The following SGCE variants were observed in gnomAD, a reference collection of about 807,000 sequenced individuals.
SGCE encodes sarcoglycan epsilon.
Under a neutral mutation model 57.8 loss-of-function variants are expected in SGCE, and 26 were observed. That is an observed-to-expected ratio of 0.45 (90% CI 0.33 to 0.62). The LOEUF (loss-of-function observed/expected upper bound fraction) is 0.62. SGCE is among the 20% of genes least tolerant of loss of function. The pLI is 0.02. For synonymous variants in SGCE, 183 were observed against 189.5 expected, an observed-to-expected ratio of 0.97 and a Z score of 0.28; for missense variants, 468 against 548.6, an observed-to-expected ratio of 0.85 and a Z score of 1.47.
intron 10 of SGCE, chr7:94,587,670 T>G: frequency 6.6e-7 from 1 of 1,523,658 alleles, no homozygotes; most frequent in Non-Finnish European, 8.8e-7. Context: ...TGAACAGTCT[T>G]GTTGAAACAT....
chr7:94,646,075 A>C (rs1807028356), intron 1 of SGCE, among the ~76,000 whole-genome samples: 1 of 152,204 alleles, frequency 6.6e-6, no homozygotes, highest in Admixed American at 6.5e-5. Context: ...CTCGTTGTCC[A>C]AGGACTAAAA....
intron 1 of SGCE, among the ~76,000 whole-genome samples, chr7:94,651,256 A>G (rs533729920): frequency 1.2e-4 from 18 of 152,308 alleles, no homozygotes; most frequent in Admixed American, 3.9e-4. Flanking sequence ...CCACTTAAAA[A>G]CCATGTTAAC....
chr7:94,638,917 C>T (rs1228671120), intron 1 of SGCE, among the ~76,000 whole-genome samples: 1 of 152,068 alleles, frequency 6.6e-6, no homozygotes, highest in Non-Finnish European at 1.5e-5. Flanking sequence ...CAAGAATCAT[C>T]CAAAATTAAC....
intron 5 of SGCE, among the ~76,000 whole-genome samples, chr7:94,611,764 T>C (rs1392934066): frequency 6.6e-6 from 1 of 152,212 alleles, no homozygotes; most frequent in African/African-American, 2.4e-5. Context: ...AAGCCAGAGA[T>C]GACAACTGTG....
At chr7:94,632,041 G>A (rs948973062) in intron 1 of SGCE, among the ~76,000 whole-genome samples, 2 of 151,798 alleles carry the variant, frequency 1.3e-5, no homozygotes, top group Non-Finnish European at 2.9e-5. Flanking sequence ...TACAAAGTAC[G>A]GCAGAGGTAA....
At chr7:94,615,277 T>G (rs1584618100) in intron 5 of SGCE, among the ~76,000 whole-genome samples, 1 of 152,180 alleles carries the variant, frequency 6.6e-6, no homozygotes, top group Non-Finnish European at 1.5e-5. Context: ...GAGAATCGCT[T>G]GAACCCAGGA....
At chr7:94,625,904 A>G (rs1233517733) in intron 3 of SGCE, 1 of 152,090 alleles carries the variant, frequency 6.6e-6, no homozygotes, top group African/African-American at 2.4e-5. Flanking sequence ...TCTTTGGGGC[A>G]TATTGCTAGA....
chr7:94,635,452 A>G, intron 1 of SGCE, among the ~76,000 whole-genome samples: 1 of 152,336 alleles, frequency 6.6e-6, no homozygotes, highest in Non-Finnish European at 1.5e-5. Context: ...ATAATTAAAA[A>G]TGTTAAGTAC....
chr7:94,642,902 C>T (rs1806593921), intron 1 of SGCE, among the ~76,000 whole-genome samples: 1 of 152,168 alleles, frequency 6.6e-6, no homozygotes, highest in Non-Finnish European at 1.5e-5. Context: ...CCTTACAAAA[C>T]CAAATCATCT....
chr7:94,646,013 C>T (rs1298084381), intron 1 of SGCE, among the ~76,000 whole-genome samples: 2 of 152,070 alleles, frequency 1.3e-5, no homozygotes. Flanking sequence ...ATAGTAGAGT[C>T]AACTGTAGAG....
chr7:94,588,017 T>A, intron 10 of SGCE: 1 of 1,389,008 alleles, frequency 7.2e-7, no homozygotes, highest in Non-Finnish European at 9.3e-7. Context: ...GCATTAATGG[T>A]TCCCTGGCAA....
At chr7:94,644,639 A>C in intron 1 of SGCE, 1 of 1,287,002 alleles carries the variant, frequency 7.8e-7, no homozygotes, top group South Asian at 1.2e-5. Flanking sequence ...TTCTCTGTCC[A>C]CTACTTCATT....
intron 1 of SGCE, among the ~76,000 whole-genome samples, chr7:94,642,080 TAAAAAC>T (rs1251867144): frequency 1.3e-5 from 2 of 152,072 alleles, no homozygotes; most frequent in Admixed American, 1.3e-4. Context: ...CCCAGGTTAT[TAAAAAC>T]AAACAAAACC....
intron 10 of SGCE, chr7:94,588,064 C>T (rs911060128): frequency 7.5e-7 from 1 of 1,338,060 alleles, no homozygotes; most frequent in African/African-American, 1.5e-5. Flanking sequence ...AGAAGACAAT[C>T]ATGAATAAGT....
At chr7:94,605,261 T>G (rs1473393884) in intron 5 of SGCE, among the ~76,000 whole-genome samples, 1 of 152,098 alleles carries the variant, frequency 6.6e-6, no homozygotes, top group Non-Finnish European at 1.5e-5. Flanking sequence ...AAAGTGAAAC[T>G]ACTTTGCAAG....
intron 1 of SGCE, among the ~76,000 whole-genome samples, chr7:94,637,822 A>C (rs1805800792): frequency 6.6e-6 from 1 of 152,228 alleles, no homozygotes; most frequent in Non-Finnish European, 1.5e-5. Flanking sequence ...AATGATGTGA[A>C]GTCCAGAGGA....
chr7:94,600,980 T>G, intron 6 of SGCE, 123 bp from the exon 7 acceptor site: 2 of 797,804 alleles, frequency 2.5e-6, no homozygotes, highest in South Asian at 3.0e-5. Context: ...TTCCAATTAC[T>G]TTATCACCTC....
chr7:94,628,509 A>G (rs996062302), intron 2 of SGCE, 150 bp from the exon 3 acceptor site: 1 of 606,960 alleles, frequency 1.6e-6, no homozygotes, highest in Non-Finnish European at 2.9e-6. Flanking sequence ...GGGAATTTAA[A>G]TTAGGGCACC....
intron 3 of SGCE, chr7:94,625,964 A>G (rs973327474): frequency 2.6e-5 from 4 of 152,056 alleles, no homozygotes; most frequent in Non-Finnish European, 4.4e-5. Flanking sequence ...TGTATGAGAT[A>G]TTCAGTACTG....
Sources: gnomAD v4.1 joint callset for allele counts (sites outside exome capture counted in the v4.1 genomes callset) on GRCh38, gnomAD v4.1.1 for gene constraint, MANE v1.5 for transcripts, NCBI Gene and HGNC (gene_info 2026-07-23, HGNC 2026-07-21) for gene names.